Variants in RHOBTB3 observed in about 807,000 individuals in gnomAD.
RHOBTB3 encodes the protein Rho related BTB domain containing 3.
Under a neutral mutation model 67.2 loss-of-function variants are expected in RHOBTB3, and 47 were observed. The observed-to-expected ratio is 0.70, with a 90% confidence interval of 0.55 to 0.89. The LOEUF (loss-of-function observed/expected upper bound fraction) is 0.89. Among genes scored for constraint, RHOBTB3 ranks in the 40% least tolerant of loss-of-function variants. RHOBTB3 has a pLI of 0.00. For missense variants in RHOBTB3, 631 were observed against 750.0 expected (o/e 0.84, Z 1.85); for synonymous variants, 273 against 274.2 (o/e 1.00, Z 0.04).
At chr5:95,770,573 A>G in intron 8 of RHOBTB3, 1 of 426,202 alleles carries the variant, frequency 2.3e-6, no homozygotes, top group Non-Finnish European at 4.7e-6. Flanking sequence ...CCAACGAAGG[A>G]TGTGAGAACT....
intron 8 of RHOBTB3, among the ~76,000 whole-genome samples, chr5:95,768,454 A>G (rs773125700): frequency 2.0e-5 from 3 of 152,090 alleles, no homozygotes; most frequent in Non-Finnish European, 4.4e-5. Context: ...ATTTTATTAT[A>G]TATTTTTGTG....
chr5:95,737,041 A>G lies in RHOBTB3; in HGVS notation c.381A>G (p.Pro127=), dbSNP rs1755471328. ...PVIKRALNSV[P]VIIAAVGTRQ... is the part of the protein sequence containing the mutation. ...TAAAAAGAGCATTAAATTCAGTTCC[A>G]GTAATTATTGCTGCTGTTGGTACCA... The change falls in exon 3 of 12, where the codon CCA becomes CCG. Residue 127 remains proline (P), a synonymous_variant. Transcript: ENST00000379982. The G allele has an allele frequency of 6.2e-7, 1 of 1,601,590 alleles. No individual in the cohort carries two copies. The highest frequency in any genetic ancestry group is 1.3e-5 in the African/African-American group (1 of 74,666).
chr5:95,780,151 C>T, intron 8 of RHOBTB3, 101 bp from the exon 9 acceptor site: 1 of 849,184 alleles, frequency 1.2e-6, no homozygotes, highest in East Asian at 2.6e-5. Flanking sequence ...GCATATCAGC[C>T]TAGCTGTCCC....
chr5:95,779,468 G>A (rs1273424285), intron 8 of RHOBTB3, among the ~76,000 whole-genome samples: 5 of 152,188 alleles, frequency 3.3e-5, no homozygotes, highest in Admixed American at 6.5e-5. Context: ...GGCCACTCAC[G>A]GCCCTATCCA....
At chr5:95,718,093 G>A (rs368785381) in intron 1 of RHOBTB3, among the ~76,000 whole-genome samples, 5 of 152,264 alleles carry the variant, frequency 3.3e-5, no homozygotes, top group African/African-American at 9.6e-5. Context: ...AGTATGTTAT[G>A]GACCATTATA....
chr5:95,753,551 T>TAA, intron 5 of RHOBTB3, among the ~76,000 whole-genome samples: 1 of 152,146 alleles, frequency 6.6e-6, no homozygotes, highest in East Asian at 1.9e-4. Flanking sequence ...CTCATCTCTT[T>TAA]AAAAAAGTGC....
chr5:95,730,835 A>G, upstream of RHOBTB3: 1 of 450,930 alleles, frequency 2.2e-6, no homozygotes, highest in South Asian at 1.6e-5. Flanking sequence ...ATTTTTTCTC[A>G]CAAGTATGAT....
Position 95,748,495 on chromosome 5 carries a change from GA to G in RHOBTB3, c.570+11del. On this transcript the variant is annotated intron_variant, in intron 4 of 11. Transcript: ENST00000379982. Reference sequence around the variant, plus strand: ...AAGTATTTTGGAGGAGTGGTAAGTGGAAATTCCTGTTAAGTATAAAGTTATT... The same window carrying G: ...AAGTATTTTGGAGGAGTGGTAAGTGGAATTCCTGTTAAGTATAAAGTTATT... 1 of 1,603,722 alleles carries G rather than the reference GA, an allele frequency of 6.2e-7. No individual in the cohort carries two copies. The highest frequency in any genetic ancestry group is 8.5e-7 in the Non-Finnish European group (1 of 1,173,872).
intron 3 of RHOBTB3, among the ~76,000 whole-genome samples, chr5:95,739,129 C>T (rs548524034): frequency 1.2e-4 from 18 of 152,336 alleles, no homozygotes; most frequent in Admixed American, 1.1e-3. Flanking sequence ...CACATATCAC[C>T]ATAGACATCA....
chr5:95,765,310 G>C (rs1335494779), intron 7 of RHOBTB3, among the ~76,000 whole-genome samples: 4 of 152,102 alleles, frequency 2.6e-5, no homozygotes, highest in Non-Finnish European at 5.9e-5. Context: ...CTTGAGTCTT[G>C]ATTCGGAACA....
rs182019281 is a variant in RHOBTB3 at position 95,751,886 on chromosome 5, A to G, written c.571-353A>G. On this transcript the variant is annotated intron_variant, in intron 4 of 11. Transcript: ENST00000379982. ...ATAGTTTCATTCTTTTTATGTCTGC[A>G]TAGTATTCCATCGTGTATATGCGCC... Among the ~76,000 whole-genome samples the G allele has an allele frequency of 2.8e-3, 426 of 152,332 alleles. 2 individuals carry two copies. Among genetic ancestry groups the G allele is most frequent in the African/African-American group, 7.0e-3 (292 of 41,562 alleles).
chr5:95,763,917 C>T (rs1275145710), intron 7 of RHOBTB3, among the ~76,000 whole-genome samples: 1 of 151,886 alleles, frequency 6.6e-6, no homozygotes, highest in African/African-American at 2.4e-5. Flanking sequence ...CAAGTGATAT[C>T]TCCCACCTCA....
At chr5:95,755,923 G>A (rs1223351770) in intron 6 of RHOBTB3, 162 bp downstream of exon 6, 5 of 646,352 alleles carry the variant, frequency 7.7e-6, no homozygotes, top group Non-Finnish European at 1.3e-5. Flanking sequence ...TATAAGAATT[G>A]GTCCAAGCTT....
At chr5:95,771,017 G>A (rs1745695044) in intron 8 of RHOBTB3, among the ~76,000 whole-genome samples, 1 of 152,144 alleles carries the variant, frequency 6.6e-6, no homozygotes, top group African/African-American at 2.4e-5. Context: ...AATCACTGAG[G>A]CATTTTTACT....
intron 1 of RHOBTB3, chr5:95,719,494 A>G (rs575103423): frequency 2.0e-4 from 30 of 152,316 alleles, no homozygotes; most frequent in African/African-American, 6.7e-4. Flanking sequence ...TGGCTCTAAA[A>G]TTTTCAAGAA....
intron 3 of RHOBTB3, among the ~76,000 whole-genome samples, chr5:95,737,889 C>T (rs1432331422): frequency 6.6e-6 from 1 of 152,162 alleles, no homozygotes; most frequent in East Asian, 1.9e-4. Flanking sequence ...AATAACGCTC[C>T]TCCTCAGAGG....
chr5:95,735,466 C>T (rs146825284), intron 2 of RHOBTB3, among the ~76,000 whole-genome samples: 34 of 152,270 alleles, frequency 2.2e-4, no homozygotes, highest in African/African-American at 7.5e-4. Flanking sequence ...CTGTGTGATA[C>T]TCCTCCAGAA....
At position 95,793,959 on chromosome 5, in the gene RHOBTB3, G is replaced by A. The variant is rs1465734806; in HGVS notation, c.*785G>A. Reference sequence around the variant, plus strand: ...GTGCTGAGCCCTCAAAATTATGTCTGTTTCGTGGTGGGAAATATCCTATGT... The same window carrying A: ...GTGCTGAGCCCTCAAAATTATGTCTATTTCGTGGTGGGAAATATCCTATGT... On this transcript the variant is annotated 3_prime_UTR_variant, in exon 12 of 12. Coordinates refer to ENST00000379982, the MANE Select transcript of RHOBTB3 (RefSeq NM_014899.4). 13 of 454,732 alleles carry A rather than the reference G, an allele frequency of 2.9e-5. No individual in the cohort carries two copies. Among genetic ancestry groups the A allele is most frequent in the Non-Finnish European group, 5.7e-5 (13 of 226,540 alleles). The allele number at this position is 454,732 out of a possible 1,614,324, so 28.2% of individuals were successfully genotyped here.
chr5:95,717,705 G>C (rs1339942416), exon 1 of RHOBTB3: 1 of 152,268 alleles, frequency 6.6e-6, no homozygotes, highest in Non-Finnish European at 1.5e-5. Context: ...CCAGTGGATG[G>C]AGCAGGATGG....
Sources: allele counts gnomAD v4.1 joint callset (sites outside exome capture counted in the v4.1 genomes callset), GRCh38; gene constraint gnomAD v4.1.1; transcripts MANE v1.5; gene names NCBI Gene and HGNC (gene_info 2026-07-23, HGNC 2026-07-21).